Variants in CENPH observed in about 807,000 individuals in gnomAD.
CENPH encodes centromere protein H, also known as CENP-H.
In CENPH, 40 loss-of-function variants were observed where a neutral mutation model predicts 42.9. The ratio of observed to expected loss-of-function variants is 0.93; its 90% CI spans 0.72 to 1.21. The LOEUF (loss-of-function observed/expected upper bound fraction) is 1.21, where lower values mean the gene tolerates loss of function less well. CENPH is among the 50% of genes most tolerant of loss of function. The pLI is 0.00. For missense variants in CENPH, 302 were observed against 292.9 expected (o/e 1.03, Z -0.23); for synonymous variants, 88 against 96.5 (o/e 0.91, Z 0.52).
chr5:69,190,761 G>T (rs1020143667), intron 1 of CENPH, among the ~76,000 whole-genome samples: 1 of 152,012 alleles, frequency 6.6e-6, no homozygotes, highest in Non-Finnish European at 1.5e-5. Context: ...GTGGTGGCGG[G>T]CGCCTGTAAT....
rs1748101786 is a variant in CENPH, at chr5:69,204,020, A to AATTATATATATAATTATATATATTTATAT, written c.487+1064_487+1092dup. 1.2e-4 allele frequency among the ~76,000 whole-genome samples: 12 copies of AATTATATATATAATTATATATATTTATAT among 96,654 alleles called. 2 individuals are homozygous for AATTATATATATAATTATATATATTTATAT. The highest frequency in any genetic ancestry group is 2.4e-4 in the Non-Finnish European group (12 of 49,722). 63.4% of individuals were successfully genotyped at this position (96,654 alleles called of 152,430 possible). On this transcript the variant is annotated intron_variant, in intron 7 of 8. Coordinates refer to ENST00000283006, the MANE Select transcript of CENPH (RefSeq NM_022909.4). ...GAGAGAGAATTTCTATATATATATAAATTATATATATAATTATATATATTT... is the reference window on the plus strand; with the variant it reads ...GAGAGAGAATTTCTATATATATATAAATTATATATATAATTATATATATTTATATATTATATATATAATTATATATATTT...
chr5:69,202,354 G>T, intron 5 of CENPH, 152 bp from the exon 6 acceptor site: 1 of 476,126 alleles, frequency 2.1e-6, no homozygotes. Flanking sequence ...AACTTTTCCA[G>T]ATTTATTTTG....
intron 6 of CENPH, 141 bp from the exon 7 acceptor site, chr5:69,202,774 TCTTC>T: frequency 1.6e-6 from 1 of 641,360 alleles, no homozygotes; most frequent in South Asian, 2.1e-5. Flanking sequence ...TAAGTTACTG[TCTTC>T]CTTTTGCTGT....
chr5:69,200,621 C>T (rs1279900391), intron 5 of CENPH, among the ~76,000 whole-genome samples: 1 of 148,792 alleles, frequency 6.7e-6, no homozygotes, highest in Admixed American at 6.8e-5. Flanking sequence ...CAGTTAGTTG[C>T]TTCTACAGTG....
chr5:69,206,216 C>A (rs1580230310), intron 7 of CENPH, among the ~76,000 whole-genome samples: 1 of 149,790 alleles, frequency 6.7e-6, no homozygotes, highest in East Asian at 2.0e-4. Flanking sequence ...GAATTTCTCT[C>A]TTGTTGCCCA....
In CENPH at chr5:69,189,772, G is replaced by T. The variant is rs1461038523; in HGVS notation, c.134+4G>T. On this transcript the variant is annotated splice_donor_region_variant and intron_variant, in intron 1 of 8. Coordinates refer to ENST00000283006, the MANE Select transcript of CENPH (RefSeq NM_022909.4). ...ACCGCATGACCCTGCTCCTCAGGTTGTTCCCTTTGGCCTCCTCAGCCGGGG... is the reference window on the plus strand; with the variant it reads ...ACCGCATGACCCTGCTCCTCAGGTTTTTCCCTTTGGCCTCCTCAGCCGGGG... 1 of 1,478,462 alleles carries T rather than the reference G, an allele frequency of 6.8e-7. No homozygotes were observed. Among genetic ancestry groups the T allele is most frequent in the Non-Finnish European group, 8.9e-7 (1 of 1,118,006 alleles). The allele number at this position is 1,478,462 out of a possible 1,614,324, so 91.6% of individuals were successfully genotyped here.
intron 8 of CENPH, 61 bp downstream of exon 8, chr5:69,208,420 C>T: frequency 2.7e-6 from 3 of 1,121,296 alleles, no homozygotes; most frequent in Middle Eastern, 2.9e-4. Flanking sequence ...AGTGAAGTGG[C>T]TCGATCTCAG....
chr5:69,190,891 CAAAAAA>C (rs922598225), intron 1 of CENPH, among the ~76,000 whole-genome samples: 1 of 138,568 alleles, frequency 7.2e-6, no homozygotes, highest in Non-Finnish European at 1.6e-5. Flanking sequence ...ACTCTTGACT[CAAAAAA>C]AAAAAATTAA....
At chr5:69,200,171 C>T (rs1748035776) in intron 5 of CENPH, among the ~76,000 whole-genome samples, 1 of 149,858 alleles carries the variant, frequency 6.7e-6, no homozygotes, top group African/African-American at 2.5e-5. Flanking sequence ...GTTTTATTAG[C>T]ACATTTTAAA....
intron 7 of CENPH, chr5:69,207,989 G>A: frequency 3.0e-6 from 1 of 329,992 alleles, no homozygotes; most frequent in Non-Finnish European, 5.5e-6. Flanking sequence ...TTCACTAAGG[G>A]CATTGCTAAG....
intron 7 of CENPH, among the ~76,000 whole-genome samples, chr5:69,206,757 C>T (rs149926376): frequency 4.6e-5 from 7 of 152,238 alleles, no homozygotes; most frequent in African/African-American, 1.4e-4. Context: ...CAGCCTCCCA[C>T]AGTGCTGATA....
intron 2 of CENPH, among the ~76,000 whole-genome samples, chr5:69,194,180 A>C (rs1439896926): frequency 1.3e-5 from 2 of 150,676 alleles, no homozygotes; most frequent in South Asian, 2.1e-4. Context: ...TTTTTTTTTG[A>C]GATGATCTCA....
intron 8 of CENPH, among the ~76,000 whole-genome samples, 159 bp from the exon 9 acceptor site, chr5:69,209,548 A>T (rs969149049): frequency 6.6e-5 from 10 of 152,178 alleles, no homozygotes; most frequent in African/African-American, 2.4e-4. Flanking sequence ...CTCAAAAAAA[A>T]AAAATAGAAG....
chr5:69,199,937 AC>A (rs1408952660), intron 5 of CENPH, among the ~76,000 whole-genome samples: 2 of 151,754 alleles, frequency 1.3e-5, no homozygotes, highest in East Asian at 3.9e-4. Flanking sequence ...ACATGGTAAA[AC>A]CCTATCTCTA....
chr5:69,195,816 G>A, intron 4 of CENPH, 25 bp downstream of exon 4: 1 of 1,228,784 alleles, frequency 8.1e-7, no homozygotes, highest in Non-Finnish European at 1.2e-6. Context: ...TTAAATATAA[G>A]CATTGTGAAC....
intron 2 of CENPH, among the ~76,000 whole-genome samples, chr5:69,193,960 G>C (rs1379238566): frequency 6.6e-6 from 1 of 151,934 alleles, no homozygotes; most frequent in Non-Finnish European, 1.5e-5. Flanking sequence ...GGCCACACGT[G>C]GCTTTTTAAA....
chr5:69,207,139 C>T (rs1748172896), intron 7 of CENPH, among the ~76,000 whole-genome samples: 1 of 151,756 alleles, frequency 6.6e-6, no homozygotes, highest in South Asian at 2.1e-4. Flanking sequence ...AGACTATTTC[C>T]AGTAATACAA....
chr5:69,204,050 AT>A (rs1379828106), intron 7 of CENPH, among the ~76,000 whole-genome samples: 17 of 57,448 alleles, frequency 3.0e-4, no homozygotes, highest in East Asian at 1.8e-3. Flanking sequence ...ATATTTATAT[AT>A]TATATATATA....
chr5:69,200,129 A>C (rs1229493701), intron 5 of CENPH, among the ~76,000 whole-genome samples: 2 of 151,744 alleles, frequency 1.3e-5, no homozygotes, highest in Non-Finnish European at 2.9e-5. Context: ...AAAAAAAAAA[A>C]AAAACAGAAA....
Sources: allele counts gnomAD v4.1 joint callset (sites outside exome capture counted in the v4.1 genomes callset), GRCh38; gene constraint gnomAD v4.1.1; transcripts MANE v1.5; gene names NCBI Gene and HGNC (gene_info 2026-07-23, HGNC 2026-07-21).